Variants in ARHGAP6 observed in about 807,000 individuals in gnomAD.
ARHGAP6 encodes the protein Rho GTPase activating protein 6.
Under a neutral mutation model 55.7 loss-of-function variants are expected in ARHGAP6, and 16 were observed. That is an observed-to-expected ratio of 0.29 (90% CI 0.19 to 0.44). The LOEUF is 0.44. Ranked by LOEUF, ARHGAP6 falls within the 20% of genes least tolerant of loss-of-function variation. The pLI is 1.00. For missense variants in ARHGAP6, 698 were observed against 808.9 expected (o/e 0.86, Z 1.66); for synonymous variants, 382 against 360.9 (o/e 1.06, Z -0.66).
At chrX:11,463,553 G>C (rs183356084) in intron 1 of ARHGAP6, among the ~76,000 whole-genome samples, 68 of 111,426 alleles carry the variant, frequency 6.1e-4, no homozygotes, top group African/African-American at 2.1e-3. Context: ...TACCCAGGCT[G>C]GTGTCATGAA....
At chrX:11,392,941 A>G (rs144542494) in intron 1 of ARHGAP6, among the ~76,000 whole-genome samples, 177 of 111,757 alleles carry the variant, frequency 1.6e-3, no homozygotes, top group Middle Eastern at 0.014. Context: ...TCCCAACCCT[A>G]CACCCTACTT....
intron 1 of ARHGAP6, among the ~76,000 whole-genome samples, chrX:11,372,789 A>G (rs1448826862): frequency 4.7e-5 from 5 of 106,506 alleles, no homozygotes; most frequent in African/African-American, 1.4e-4. Context: ...AAAAAAAAAA[A>G]AAAAAAAGAA....
At chrX:11,507,853 C>T (rs773663313) in intron 1 of ARHGAP6, among the ~76,000 whole-genome samples, 1 of 112,271 alleles carries the variant, frequency 8.9e-6, no homozygotes, top group South Asian at 3.7e-4. Flanking sequence ...CTTTGGCCAG[C>T]AGCCTCAGAG....
intron 1 of ARHGAP6, among the ~76,000 whole-genome samples, chrX:11,354,075 T>C (rs1189194689): frequency 9.1e-6 from 1 of 109,894 alleles, no homozygotes; most frequent in African/African-American, 3.3e-5. Flanking sequence ...AGTGACATGG[T>C]AGTACAGCAG....
chrX:11,552,531 G>T (rs1397962438), intron 1 of ARHGAP6, among the ~76,000 whole-genome samples: 4 of 70,689 alleles, frequency 5.7e-5, no homozygotes, highest in African/African-American at 2.2e-4. Context: ...TCCATCAGTG[G>T]ATGAACTGAT....
intron 1 of ARHGAP6, among the ~76,000 whole-genome samples, chrX:11,519,222 A>G (rs1158266492): frequency 9.6e-6 from 1 of 104,073 alleles, no homozygotes; most frequent in East Asian, 3.2e-4. Flanking sequence ...TGACTTCCAC[A>G]ATGGTTGAAC....
intron 1 of ARHGAP6, among the ~76,000 whole-genome samples, chrX:11,515,124 T>G (rs1302361299): frequency 8.9e-6 from 1 of 111,978 alleles, no homozygotes; most frequent in African/African-American, 3.2e-5. Flanking sequence ...ATGTCTGTCA[T>G]GGACCTGAAG....
chrX:11,557,013 T>C (rs941589043), intron 1 of ARHGAP6, among the ~76,000 whole-genome samples: 1 of 111,661 alleles, frequency 9.0e-6, no homozygotes, highest in Non-Finnish European at 1.9e-5. Flanking sequence ...GACACTGCTA[T>C]TGAAGAGTAC....
intron 1 of ARHGAP6, among the ~76,000 whole-genome samples, chrX:11,450,928 C>T (rs1169519826): frequency 3.6e-5 from 4 of 111,618 alleles, no homozygotes; most frequent in African/African-American, 9.8e-5. Flanking sequence ...CGCTGACCTC[C>T]GTTGCAAACC....
chrX:11,357,046 G>A (rs777419251), intron 1 of ARHGAP6, among the ~76,000 whole-genome samples: 2 of 111,113 alleles, frequency 1.8e-5, no homozygotes, highest in Non-Finnish European at 3.8e-5. Flanking sequence ...AATACTACCC[G>A]AGCCTGTACC....
intron 9 of ARHGAP6, among the ~76,000 whole-genome samples, chrX:11,161,964 C>A (rs998850915): frequency 6.3e-5 from 7 of 111,663 alleles, no homozygotes; most frequent in Non-Finnish European, 1.3e-4. Context: ...GTTCCTTTGG[C>A]TAGACCTTGA....
intron 9 of ARHGAP6, among the ~76,000 whole-genome samples, chrX:11,165,136 C>A (rs113369096): frequency 5.4e-5 from 6 of 110,563 alleles, no homozygotes. Context: ...TGGACAAAAT[C>A]GAAACAAAAA....
intron 1 of ARHGAP6, chrX:11,351,657 G>A (rs73496997): frequency 0.013 from 8,420 of 666,084 alleles, 272 homozygotes; most frequent in African/African-American, 0.12. Flanking sequence ...AGGCCGGACC[G>A]TCAGAAGTCT....
chrX:11,338,671 C>A (rs1489220723), intron 1 of ARHGAP6, among the ~76,000 whole-genome samples: 1 of 112,203 alleles, frequency 8.9e-6, no homozygotes, highest in Non-Finnish European at 1.9e-5. Flanking sequence ...TGTCAGTTTT[C>A]ACTTCCCAGA....
chrX:11,184,820 G>T (rs778289400), intron 5 of ARHGAP6, among the ~76,000 whole-genome samples: 1 of 111,520 alleles, frequency 9.0e-6, no homozygotes, highest in Non-Finnish European at 1.9e-5. Context: ...GTGATTATCC[G>T]GTTTTCAAGC....
chrX:11,178,812 C>T (rs1345344509), intron 7 of ARHGAP6, among the ~76,000 whole-genome samples: 1 of 111,901 alleles, frequency 8.9e-6, no homozygotes, highest in Non-Finnish European at 1.9e-5. Context: ...CCTATCTCTC[C>T]TCTACCTCCT....
intron 1 of ARHGAP6, among the ~76,000 whole-genome samples, chrX:11,323,918 G>A (rs1292757003): frequency 9.6e-6 from 1 of 104,124 alleles, no homozygotes; most frequent in Non-Finnish European, 2.0e-5. Context: ...TATTGAAGAT[G>A]AAGCCCACAG....
intron 1 of ARHGAP6, among the ~76,000 whole-genome samples, chrX:11,375,878 T>A (rs1273048775): frequency 9.0e-6 from 1 of 111,186 alleles, no homozygotes; most frequent in African/African-American, 3.3e-5. Flanking sequence ...AGGAAGGTGA[T>A]AAGAAAATTA....
chrX:11,567,902 T>C (rs2051464827), intron 1 of ARHGAP6, among the ~76,000 whole-genome samples: 1 of 110,818 alleles, frequency 9.0e-6, no homozygotes, highest in Admixed American at 9.7e-5. Context: ...GGTCTCGAGC[T>C]CCTGGGCCCA....
Sources: gnomAD v4.1 joint callset for allele counts (sites outside exome capture counted in the v4.1 genomes callset) on GRCh38, gnomAD v4.1.1 for gene constraint, MANE v1.5 for transcripts, NCBI Gene and HGNC (gene_info 2026-07-23, HGNC 2026-07-21) for gene names.